SYCP2L: variants seen among roughly 807,000 people sequenced by gnomAD.
SYCP2L encodes synaptonemal complex protein 2-like.
In SYCP2L, 98 loss-of-function variants were observed where a neutral mutation model predicts 125.8. That is an observed-to-expected ratio of 0.78 (90% confidence interval 0.66 to 0.92). SYCP2L has a LOEUF of 0.92. Ranked by LOEUF, SYCP2L falls within the 40% of genes least tolerant of loss-of-function variation. SYCP2L has a pLI of 0.00. For missense variants in SYCP2L, 842 were observed against 936.4 expected (o/e 0.90, Z 1.32); for synonymous variants, 317 against 325.4 (o/e 0.97, Z 0.28).
At chr6:10,947,439 CTG>C (rs1781334995) in intron 23 of SYCP2L, among the ~76,000 whole-genome samples, 1 of 151,998 alleles carries the variant, frequency 6.6e-6, no homozygotes, top group African/African-American at 2.4e-5. Context: ...CTCTATTGAT[CTG>C]TGTCATTGTC....
intron 23 of SYCP2L, among the ~76,000 whole-genome samples, chr6:10,952,716 T>A (rs931184935): frequency 2.0e-5 from 3 of 152,206 alleles, no homozygotes; most frequent in African/African-American, 7.2e-5. Context: ...GACTGCGGTA[T>A]AGACACCACA....
intron 29 of SYCP2L, among the ~76,000 whole-genome samples, chr6:10,968,533 T>C (rs754203287): frequency 1.3e-5 from 2 of 152,062 alleles, no homozygotes; most frequent in African/African-American, 4.8e-5. Context: ...AAAAAGCTTT[T>C]AGTTGAGTCA....
chr6:10,915,086 A>G (rs775935889), intron 14 of SYCP2L, among the ~76,000 whole-genome samples: 1 of 152,044 alleles, frequency 6.6e-6, no homozygotes, highest in Non-Finnish European at 1.5e-5. Flanking sequence ...CATCTATGGT[A>G]AAAGGGGTTG....
chr6:10,918,877 C>G (rs1422377337), intron 14 of SYCP2L, among the ~76,000 whole-genome samples: 1 of 152,140 alleles, frequency 6.6e-6, no homozygotes, highest in Non-Finnish European at 1.5e-5. Flanking sequence ...CTGAGACTTT[C>G]CAGAGCATTT....
At position 10,894,468 on chromosome 6, in the gene SYCP2L, T is replaced by C. The variant is rs1780225341; in HGVS notation, c.336+264T>C. ...CCTTGTTGAGCCTATGCAGTAATTA[T>C]TATTTTAAATTATTTTAGTGAATTT... On this transcript the variant is annotated intron_variant, in intron 4 of 29. Coordinates refer to ENST00000283141, the MANE Select transcript of SYCP2L (RefSeq NM_001040274.3). Among the ~76,000 whole-genome samples the C allele has an allele frequency of 3.9e-5, 6 of 152,314 alleles. 1 individual carries two copies. The South Asian group carries it at 1.2e-3, about 32-fold the overall frequency.
At chr6:10,938,079 T>C (rs567945077) in intron 21 of SYCP2L, among the ~76,000 whole-genome samples, 35 of 152,300 alleles carry the variant, frequency 2.3e-4, no homozygotes, top group Non-Finnish European at 3.5e-4. Flanking sequence ...AGCATTACCC[T>C]CTTGTCAAAG....
intron 29 of SYCP2L, among the ~76,000 whole-genome samples, chr6:10,966,246 G>T (rs560143240): frequency 5.9e-4 from 90 of 152,168 alleles, no homozygotes; most frequent in Non-Finnish European, 1.1e-3. Context: ...TGCAAAGATG[G>T]TTCGATATTA....
At chr6:10,941,564 G>A (rs1338347966) in intron 21 of SYCP2L, among the ~76,000 whole-genome samples, 1 of 152,182 alleles carries the variant, frequency 6.6e-6, no homozygotes, top group East Asian at 1.9e-4. Flanking sequence ...ACCATCACTG[G>A]CCATCAGAGA....
intron 21 of SYCP2L, among the ~76,000 whole-genome samples, chr6:10,938,237 G>A (rs141526475): frequency 6.6e-6 from 1 of 152,136 alleles, no homozygotes; most frequent in South Asian, 2.1e-4. Context: ...TTATCCCTGA[G>A]ATTCAAGGAA....
At chr6:10,937,054 A>G (rs1781110274) in intron 21 of SYCP2L, among the ~76,000 whole-genome samples, 1 of 152,232 alleles carries the variant, frequency 6.6e-6, no homozygotes. Context: ...TCAATAAGGA[A>G]ACAGTGGCTT....
intron 10 of SYCP2L, among the ~76,000 whole-genome samples, chr6:10,909,669 C>T (rs973207719): frequency 1.3e-5 from 2 of 152,176 alleles, no homozygotes; most frequent in African/African-American, 2.4e-5. Flanking sequence ...TAGGAGAAGA[C>T]AGTGAGATAG....
intron 1 of SYCP2L, among the ~76,000 whole-genome samples, chr6:10,889,899 C>G (rs1172082273): frequency 1.3e-5 from 2 of 152,154 alleles, no homozygotes; most frequent in Non-Finnish European, 2.9e-5. Context: ...GGATTACAGG[C>G]ATGAGCCACC....
intron 5 of SYCP2L, among the ~76,000 whole-genome samples, chr6:10,898,375 T>TGGTGGTGGGCGC (rs1203210770): frequency 6.6e-6 from 1 of 151,726 alleles, no homozygotes; most frequent in Non-Finnish European, 1.5e-5. Context: ...TCGCCGGGCG[T>TGGTGGTGGGCGC]GGTGGTGGGC....
chr6:10,967,766 A>G (rs1781706340), intron 29 of SYCP2L, among the ~76,000 whole-genome samples: 1 of 152,194 alleles, frequency 6.6e-6, no homozygotes, highest in African/African-American at 2.4e-5. Context: ...TAAAATCATT[A>G]ACAATAATTT....
At chr6:10,965,777 A>T (rs1561703670) in intron 29 of SYCP2L, among the ~76,000 whole-genome samples, 1 of 152,346 alleles carries the variant, frequency 6.6e-6, no homozygotes, top group East Asian at 1.9e-4. Flanking sequence ...GTCAAAATGC[A>T]ACAAAAATTG....
intron 1 of SYCP2L, 61 bp downstream of exon 1, chr6:10,887,196 G>C: frequency 6.2e-7 from 1 of 1,607,184 alleles, no homozygotes; most frequent in Non-Finnish European, 8.5e-7. Context: ...GCGAGGGCGC[G>C]GGGTCCCTGG....
At chr6:10,887,447 C>T (rs1484311829) in intron 1 of SYCP2L, among the ~76,000 whole-genome samples, 1 of 152,166 alleles carries the variant, frequency 6.6e-6, no homozygotes, top group Non-Finnish European at 1.5e-5. Flanking sequence ...GCCGGTTTTC[C>T]AGCCCTCTTT....
chr6:10,911,905 T>C (rs924398998), intron 12 of SYCP2L, among the ~76,000 whole-genome samples: 18 of 127,782 alleles, frequency 1.4e-4, no homozygotes, highest in Non-Finnish European at 1.9e-4. Context: ...TTTTTTTTTT[T>C]TTTTTTTTTT....
At chr6:10,893,627 A>G (rs568724590) in intron 2 of SYCP2L, among the ~76,000 whole-genome samples, 3 of 152,274 alleles carry the variant, frequency 2.0e-5, no homozygotes, top group Non-Finnish European at 4.4e-5. Context: ...AGAAGTCCCC[A>G]GGTGATGCCA....
Sources: allele counts gnomAD v4.1 joint callset (sites outside exome capture counted in the v4.1 genomes callset), GRCh38; gene constraint gnomAD v4.1.1; transcripts MANE v1.5; gene names NCBI Gene and HGNC (gene_info 2026-07-23, HGNC 2026-07-21).